WDHD1: variants seen among roughly 807,000 people sequenced by gnomAD.
The protein encoded by WDHD1 is WD repeat and HMG-box DNA-binding protein 1.
In WDHD1, 111 loss-of-function variants were observed where a neutral mutation model predicts 135.4. The ratio of observed to expected loss-of-function variants is 0.82; its 90% confidence interval spans 0.70 to 0.96. WDHD1 has a LOEUF of 0.96. WDHD1 is among the 40% of genes least tolerant of loss of function. The pLI, the probability that WDHD1 is intolerant of heterozygous loss-of-function variation, is 0.00. For missense variants in WDHD1, 1,351 were observed against 1,336.3 expected (o/e 1.01, Z -0.17); for synonymous variants, 434 against 439.0 (o/e 0.99, Z 0.14).
intron 21 of WDHD1, among the ~76,000 whole-genome samples, chr14:54,961,355 A>T (rs1255583370): frequency 6.6e-6 from 1 of 151,956 alleles, no homozygotes; most frequent in Non-Finnish European, 1.5e-5. Flanking sequence ...AAAAGACCAA[A>T]ATCCTTAATA....
At chr14:54,957,276 C>T in intron 22 of WDHD1, 72 bp from the exon 23 acceptor site, 1 of 1,490,892 alleles carries the variant, frequency 6.7e-7, no homozygotes, top group Non-Finnish European at 9.0e-7. Flanking sequence ...CTTATTTTTT[C>T]TTGAAATTTC....
rs11846098 is a variant in WDHD1, at chr14:54,962,857, A to G, written c.2532-4T>C. ...CTCTGTAGCAGTATTGCTGTAACTA[A>G]GAGAAAATAATATTATTCAATAAAG... On this transcript the variant is annotated splice_region_variant and splice_polypyrimidine_tract_variant and intron_variant, in intron 19 of 25. Transcript: ENST00000360586. The G allele has an allele frequency of 1.5e-3, 2,476 of 1,611,708 alleles. 28 individuals carry two copies. The African/African-American group carries it at 0.029, about 19-fold the overall frequency.
intron 16 of WDHD1, among the ~76,000 whole-genome samples, chr14:54,978,973 CT>C (rs1196246084): frequency 2.0e-5 from 3 of 152,008 alleles, no homozygotes; most frequent in South Asian, 2.1e-4. Context: ...AAAGCTACTA[CT>C]TTTTTTTCTT....
At chr14:54,991,489 T>C in intron 11 of WDHD1, 89 bp from the exon 12 acceptor site, 1 of 1,271,612 alleles carries the variant, frequency 7.9e-7, no homozygotes, top group East Asian at 2.3e-5. Flanking sequence ...AACTTTTTCA[T>C]TCATATTCAA....
rs758569604 is a variant in WDHD1, at chr14:54,991,315, A to C, written c.1239T>G (p.Leu413=). The part of the protein sequence containing the change: ...GQEGSIHNLP[L]VTSQRPFYDG... ...CATAAAATGGCCTTTGGGATGTTACAAGTGGTAGATTGTGAATGCTGCCTT... is the reference window on the plus strand; with the variant it reads ...CATAAAATGGCCTTTGGGATGTTACCAGTGGTAGATTGTGAATGCTGCCTT... Residue 413 remains leucine, a synonymous_variant, in exon 12 of 26, where the codon CTT becomes CTG. Coordinates refer to ENST00000360586, the MANE Select transcript of WDHD1 (RefSeq NM_007086.4). The C allele has an allele frequency of 3.1e-5, 50 of 1,614,014 alleles. No homozygotes were observed. In the Admixed American group the frequency reaches 5.3e-4, roughly 17 times the overall value.
intron 3 of WDHD1, among the ~76,000 whole-genome samples, chr14:55,012,081 T>A (rs2042180045): frequency 6.6e-6 from 1 of 152,160 alleles, no homozygotes; most frequent in Non-Finnish European, 1.5e-5. Flanking sequence ...ATTACTGGGA[T>A]TAGCAATATT....
intron 7 of WDHD1, among the ~76,000 whole-genome samples, chr14:55,002,421 C>T (rs933619223): frequency 6.6e-6 from 1 of 152,094 alleles, no homozygotes; most frequent in Admixed American, 6.5e-5. Flanking sequence ...CAGGCATACA[C>T]CACTGTGCCA....
At chr14:54,966,669 T>A (rs537980490) in intron 17 of WDHD1, 63 bp from the exon 18 acceptor site, 368 of 1,495,998 alleles carry the variant, frequency 2.5e-4, no homozygotes, top group Non-Finnish European at 5.0e-5. Context: ...AAGCGTTAAA[T>A]ATTTATCTTA....
intron 2 of WDHD1, among the ~76,000 whole-genome samples, chr14:55,014,150 G>C (rs2042222133): frequency 6.6e-6 from 1 of 152,226 alleles, no homozygotes. Flanking sequence ...TGCCTAGGCA[G>C]TATCATGATT....
rs765321455 is a variant in WDHD1, at chr14:54,966,658, C to T, written c.2179-52G>A. ...GGCCAACTATCACCTTAATATGAGG[C>T]AAGCGTTAAATATTTATCTTAAGAT... On this transcript the variant is annotated intron_variant, in intron 17 of 25. Transcript: ENST00000360586. 3.9e-6 allele frequency: 6 copies of T among 1,537,476 alleles called. No individual in the cohort carries two copies. The Admixed American group carries it at 6.8e-5, about 18-fold the overall frequency.
intron 24 of WDHD1, among the ~76,000 whole-genome samples, chr14:54,951,119 C>T (rs1449501457): frequency 6.6e-6 from 1 of 152,030 alleles, no homozygotes; most frequent in African/African-American, 2.4e-5. Flanking sequence ...TATTCAAAAG[C>T]TAGCAGAAGG....
chr14:55,007,471 T>C (rs2042092928), intron 6 of WDHD1, 96 bp from the exon 7 acceptor site: 3 of 896,164 alleles, frequency 3.3e-6, no homozygotes, highest in African/African-American at 3.4e-5. Context: ...CAAATCAATA[T>C]ATATCTCAGA....
At position 55,002,967 on chromosome 14, in the gene WDHD1, C is replaced by A. The variant is rs530441083; in HGVS notation, c.601-782G>T. ...CCCATTTGTTTGAGGAAAATAAAGA[C>A]AGAATCCTTCAAATATCTTGAAAAA... On this transcript the variant is annotated intron_variant, in intron 7 of 25. Transcript: ENST00000360586. Among the ~76,000 whole-genome samples the A allele has an allele frequency of 3.5e-4, 53 of 152,194 alleles. No individual in the cohort carries two copies. In the South Asian group the frequency reaches 0.011, roughly 32 times the overall value.
chr14:55,002,701 G>A (rs2041997126), intron 7 of WDHD1, among the ~76,000 whole-genome samples: 1 of 152,000 alleles, frequency 6.6e-6, no homozygotes, highest in Admixed American at 6.6e-5. Flanking sequence ...AACTCCTGGG[G>A]TCAAAGGATC....
At chr14:54,968,903 G>A (rs1437934963) in intron 16 of WDHD1, among the ~76,000 whole-genome samples, 2 of 152,172 alleles carry the variant, frequency 1.3e-5, no homozygotes, top group African/African-American at 4.8e-5. Context: ...TTAGCCAGGT[G>A]TGGTGGTGTG....
At chr14:54,950,832 C>T (rs1413036140) in intron 24 of WDHD1, among the ~76,000 whole-genome samples, 1 of 152,046 alleles carries the variant, frequency 6.6e-6, no homozygotes, top group African/African-American at 2.4e-5. Flanking sequence ...TAGAACTCAG[C>T]ATTAGGAAAC....
intron 11 of WDHD1, among the ~76,000 whole-genome samples, chr14:54,993,710 T>TA (rs1396881896): frequency 5.9e-5 from 9 of 152,008 alleles, no homozygotes; most frequent in Admixed American, 5.9e-4. Context: ...TCCTCTATGA[T>TA]AGACATTACA....
chr14:54,950,126 C>G (rs1248536310), intron 24 of WDHD1, among the ~76,000 whole-genome samples: 1 of 152,174 alleles, frequency 6.6e-6, no homozygotes, highest in African/African-American at 2.4e-5. Flanking sequence ...ATGACAGGAT[C>G]AAATTCACAC....
At chr14:54,988,170 C>G (rs2041723478) in intron 13 of WDHD1, among the ~76,000 whole-genome samples, 1 of 152,066 alleles carries the variant, frequency 6.6e-6, no homozygotes, top group Admixed American at 6.5e-5. Flanking sequence ...ATGTAAACAT[C>G]CAAAAAATAT....
Sources: allele counts gnomAD v4.1 joint callset (sites outside exome capture counted in the v4.1 genomes callset), GRCh38; gene constraint gnomAD v4.1.1; transcripts MANE v1.5; gene names NCBI Gene and HGNC (gene_info 2026-07-23, HGNC 2026-07-21).